ELAVL2: variants seen among roughly 807,000 people sequenced by gnomAD.
ELAVL2 encodes ELAV like RNA binding protein 2.
Under a neutral mutation model 34.6 loss-of-function variants are expected in ELAVL2, and 4 were observed. The observed-to-expected ratio is 0.12, with a 90% CI of 0.06 to 0.26. The LOEUF is 0.26. Among genes scored for constraint, ELAVL2 ranks in the 10% least tolerant of loss-of-function variants. The pLI, the probability that ELAVL2 is intolerant of heterozygous loss-of-function variation, is 1.00. For missense variants in ELAVL2, 432 were observed against 442.8 expected (o/e 0.98, Z 0.22); for synonymous variants, 193 against 154.8 (o/e 1.25, Z -1.83).
At chr9:23,800,831 C>A (rs565347310) in intron 1 of ELAVL2, among the ~76,000 whole-genome samples, 17 of 152,224 alleles carry the variant, frequency 1.1e-4, no homozygotes, top group Non-Finnish European at 1.9e-4. Flanking sequence ...GATACGGGTG[C>A]CTTCAAGGGC....
intron 1 of ELAVL2, among the ~76,000 whole-genome samples, chr9:23,764,350 T>C (rs1455281891): frequency 6.6e-6 from 1 of 152,264 alleles, no homozygotes; most frequent in East Asian, 1.9e-4. Flanking sequence ...TAATTGCACA[T>C]TTATTTCCAT....
chr9:23,713,335 G>A (rs2041490711), intron 3 of ELAVL2, among the ~76,000 whole-genome samples: 1 of 152,160 alleles, frequency 6.6e-6, no homozygotes, highest in African/African-American at 2.4e-5. Flanking sequence ...AATGGTAGTG[G>A]ATATGGCATC....
chr9:23,796,615 G>A (rs1196385653), intron 1 of ELAVL2, among the ~76,000 whole-genome samples: 1 of 152,214 alleles, frequency 6.6e-6, no homozygotes, highest in African/African-American at 2.4e-5. Context: ...TAGGGCAATG[G>A]CTGTCTATAA....
intron 2 of ELAVL2, among the ~76,000 whole-genome samples, chr9:23,738,942 C>T (rs1014491239): frequency 3.3e-5 from 5 of 152,078 alleles, no homozygotes; most frequent in African/African-American, 1.2e-4. Context: ...GCTGGCAATG[C>T]GGCATGACCC....
chr9:23,693,341 A>G, intron 6 of ELAVL2, 107 bp downstream of exon 6: 2 of 1,422,972 alleles, frequency 1.4e-6, no homozygotes, highest in Non-Finnish European at 1.9e-6. Context: ...CACATGCAAA[A>G]TAAAACCCAA....
intron 1 of ELAVL2, among the ~76,000 whole-genome samples, chr9:23,778,861 AAAT>A (rs1239333158): frequency 1.3e-5 from 2 of 152,198 alleles, no homozygotes; most frequent in African/African-American, 4.8e-5. Flanking sequence ...AAAGCACTCT[AAAT>A]AACTCATTTT....
chr9:23,720,345 T>C (rs1266560306), intron 3 of ELAVL2, among the ~76,000 whole-genome samples: 7 of 151,990 alleles, frequency 4.6e-5, no homozygotes, highest in Non-Finnish European at 1.0e-4. Flanking sequence ...GGCTAATTTT[T>C]GTACTTTTTA....
the ELAVL2 span, among the ~76,000 whole-genome samples, chr9:23,836,708 G>GAGGT: frequency 1.3e-5 from 2 of 152,108 alleles, no homozygotes; most frequent in African/African-American, 4.8e-5. Context: ...CAAATAAAAG[G>GAGGT]AGGTTGAGAG....
At chr9:23,809,453 A>T (rs954852320) in intron 1 of ELAVL2, among the ~76,000 whole-genome samples, 6 of 152,176 alleles carry the variant, frequency 3.9e-5, no homozygotes, top group African/African-American at 1.4e-4. Flanking sequence ...AAGAGACTCA[A>T]AAGTAATATA....
chr9:23,718,533 G>A (rs2042881874), intron 3 of ELAVL2, among the ~76,000 whole-genome samples: 1 of 152,104 alleles, frequency 6.6e-6, no homozygotes, highest in African/African-American at 2.4e-5. Flanking sequence ...ATTGCTTATG[G>A]CATTTAACAG....
intron 1 of ELAVL2, among the ~76,000 whole-genome samples, chr9:23,763,224 C>G (rs940680492): frequency 3.3e-5 from 5 of 152,038 alleles, no homozygotes; most frequent in African/African-American, 1.2e-4. Flanking sequence ...AGATAAAGAA[C>G]AGAATTGGGG....
chr9:23,718,463 T>C (rs2042858389), intron 3 of ELAVL2, among the ~76,000 whole-genome samples: 1 of 152,080 alleles, frequency 6.6e-6, no homozygotes, highest in Admixed American at 6.6e-5. Flanking sequence ...TAATCCTCAA[T>C]CAGTAGAAAC....
At chr9:23,834,750 C>T in the ELAVL2 span, among the ~76,000 whole-genome samples, 1 of 151,940 alleles carries the variant, frequency 6.6e-6, no homozygotes, top group Admixed American at 6.6e-5. Flanking sequence ...TTAAAAGGCG[C>T]CAAAAGGCAT....
chr9:23,785,613 A>G (rs1375571795), intron 1 of ELAVL2, among the ~76,000 whole-genome samples: 1 of 152,186 alleles, frequency 6.6e-6, no homozygotes, highest in African/African-American at 2.4e-5. Flanking sequence ...CTCAATCCTC[A>G]CTGTCTCACG....
At chr9:23,823,631 A>C (rs1398805679) in intron 1 of ELAVL2, among the ~76,000 whole-genome samples, 1 of 152,224 alleles carries the variant, frequency 6.6e-6, no homozygotes, top group African/African-American at 2.4e-5. Context: ...AACTCTCAAC[A>C]TATTTTTTTG....
intron 1 of ELAVL2, among the ~76,000 whole-genome samples, chr9:23,810,949 A>T (rs533448983): frequency 2.0e-5 from 3 of 152,318 alleles, no homozygotes; most frequent in East Asian, 1.9e-4. Flanking sequence ...ACAACTAAAA[A>T]GTGGCAGATC....
At chr9:23,789,110 T>C (rs532889483) in intron 1 of ELAVL2, among the ~76,000 whole-genome samples, 2 of 152,286 alleles carry the variant, frequency 1.3e-5, no homozygotes, top group African/African-American at 2.4e-5. Context: ...ATTACAACTT[T>C]AGATGGCCTT....
chr9:23,736,743 T>G (rs549625598), intron 2 of ELAVL2, among the ~76,000 whole-genome samples: 6 of 152,286 alleles, frequency 3.9e-5, no homozygotes, highest in Admixed American at 3.9e-4. Flanking sequence ...GGACAACCCT[T>G]GCTTAGACTC....
intron 1 of ELAVL2, chr9:23,821,152 T>A (rs1237372553): frequency 2.0e-5 from 3 of 152,310 alleles, no homozygotes; most frequent in Non-Finnish European, 2.9e-5. Context: ...CAAGGCGGGG[T>A]TGCCAGTGCA....
Sources: allele counts gnomAD v4.1 joint callset (sites outside exome capture counted in the v4.1 genomes callset), GRCh38; gene constraint gnomAD v4.1.1; transcripts MANE v1.5; gene names NCBI Gene and HGNC (gene_info 2026-07-23, HGNC 2026-07-21).